The following PLAC8L1 variants were observed in gnomAD, a reference collection of about 807,000 sequenced individuals.
PLAC8L1 encodes PLAC8 like 1, also known as PLAC8-like protein 1.
Under a neutral mutation model 16.3 loss-of-function variants are expected in PLAC8L1, and 13 were observed. That is an observed-to-expected ratio of 0.80 (90% CI 0.52 to 1.27). The LOEUF is 1.27. PLAC8L1 is among the 50% of genes most tolerant of loss of function. The probability of loss-of-function intolerance (pLI) is 0.00; values close to 1 mark genes in which losing one functional copy is unlikely to be tolerated. For synonymous variants in PLAC8L1, 78 were observed against 79.3 expected, an observed-to-expected ratio of 0.98 and a Z score of 0.09; for missense variants, 184 against 220.2, an observed-to-expected ratio of 0.84 and a Z score of 1.04.
rs564065389 is a variant in PLAC8L1, at chr5:146,103,450, C to A, written c.119+743G>T. 2.6e-5 allele frequency among the ~76,000 whole-genome samples: 4 copies of A among 152,116 alleles called. No homozygotes were observed. In the East Asian group the frequency reaches 7.7e-4, roughly 29 times the overall value. ...CTAAGATTACAGGTATGAGCCACTG[C>A]GCCTGGCCTCAGACCCCATCTCTTA... On this transcript the variant is annotated intron_variant, in intron 1 of 3. Transcript: ENST00000311450.
intron 2 of PLAC8L1, among the ~76,000 whole-genome samples, chr5:146,096,613 C>A (rs1228411230): frequency 1.3e-5 from 2 of 152,148 alleles, no homozygotes; most frequent in African/African-American, 4.8e-5. Flanking sequence ...GTGATATGAA[C>A]CTGTTCTCCT....
At chr5:146,091,225 C>T (rs1266714835) in intron 2 of PLAC8L1, among the ~76,000 whole-genome samples, 1 of 152,092 alleles carries the variant, frequency 6.6e-6, no homozygotes, top group African/African-American at 2.4e-5. Flanking sequence ...CAGTGTCCAC[C>T]CTGTATCAAT....
At chr5:146,097,966 A>G (rs1209783501) in intron 2 of PLAC8L1, among the ~76,000 whole-genome samples, 190 bp downstream of exon 2, 3 of 152,238 alleles carry the variant, frequency 2.0e-5, no homozygotes, top group Admixed American at 6.5e-5. Flanking sequence ...CACTTATTCT[A>G]TAAAACATCC....
intron 2 of PLAC8L1, among the ~76,000 whole-genome samples, chr5:146,088,381 C>T (rs1224746763): frequency 3.9e-5 from 6 of 152,200 alleles, no homozygotes; most frequent in Non-Finnish European, 7.3e-5. Context: ...GACACGAAGG[C>T]TCACATACCA....
At chr5:146,101,161 C>T (rs1278093320) in intron 1 of PLAC8L1, among the ~76,000 whole-genome samples, 3 of 138,226 alleles carry the variant, frequency 2.2e-5, no homozygotes, top group African/African-American at 8.5e-5. Flanking sequence ...TGCACCACTG[C>T]ATTCCAGCCT....
chr5:146,092,685 G>A (rs1360375260), intron 2 of PLAC8L1, among the ~76,000 whole-genome samples: 7 of 151,974 alleles, frequency 4.6e-5, no homozygotes, highest in Admixed American at 3.9e-4. Flanking sequence ...GGGATTGCAG[G>A]AGCCCGCCAC....
Position 146,098,302 on chromosome 5 carries a change from C to G in PLAC8L1, c.120-10G>C, listed in dbSNP as rs1224943281. 5.0e-5 allele frequency: 80 copies of G among 1,611,168 alleles called. 1 individual carries two copies. Among genetic ancestry groups the G allele is most frequent in the Non-Finnish European group, 6.8e-5 (80 of 1,178,572 alleles). Reference sequence around the variant, plus strand: ...GGCTGGTACATGGCCTCTGGAGAGTCAAGGATGATGATTAACTTGGAAACA... The same window carrying G: ...GGCTGGTACATGGCCTCTGGAGAGTGAAGGATGATGATTAACTTGGAAACA... On this transcript the variant is annotated splice_polypyrimidine_tract_variant and intron_variant, in intron 1 of 3. Transcript: ENST00000311450.
rs747733215 is a variant in PLAC8L1 at position 146,084,504 on chromosome 5, C to T, written c.462G>A (p.Arg154=). Residue 154 remains arginine, a synonymous_variant, in exon 4 of 4, where the codon CGG becomes CGA. Transcript: ENST00000311450. ...CTTGGGAGGTCCTCATCTTGAGTTC[C>T]CGGGCCACCTGGCAGATGGAAAAAG... is the stretch of plus-strand genomic sequence containing the variant. ...CWAFSICQVA[R]ELKMRTSQVY... is the part of the protein sequence containing the mutation. 3 of 1,614,138 alleles carry T rather than the reference C, an allele frequency of 1.9e-6. No homozygotes were observed. In the Admixed American group the frequency reaches 5.0e-5, roughly 27 times the overall value.
At chr5:146,101,210 A>G (rs1249028590) in intron 1 of PLAC8L1, among the ~76,000 whole-genome samples, 1 of 151,682 alleles carries the variant, frequency 6.6e-6, no homozygotes, top group Middle Eastern at 3.4e-3. Flanking sequence ...AAAAAAAAAA[A>G]AAAAAAAAAA....
At chr5:146,098,760 CTGAG>C (rs1215723733) in intron 1 of PLAC8L1, among the ~76,000 whole-genome samples, 2 of 152,064 alleles carry the variant, frequency 1.3e-5, no homozygotes, top group African/African-American at 4.8e-5. Context: ...CAAAGTAACT[CTGAG>C]TGAGCTGCAT....
intron 3 of PLAC8L1, 124 bp downstream of exon 3, chr5:146,085,337 C>T: frequency 9.6e-7 from 1 of 1,039,756 alleles, no homozygotes; most frequent in Non-Finnish European, 1.4e-6. Flanking sequence ...TCAAAGTTTC[C>T]CACTAAGCAT....
chr5:146,103,700 G>A (rs1056033325), intron 1 of PLAC8L1: 4 of 985,082 alleles, frequency 4.1e-6, no homozygotes, highest in Non-Finnish European at 4.8e-6. Context: ...CCCTCTTTTT[G>A]ACCTCACTCC....
rs192677098 is a variant in PLAC8L1, at chr5:146,103,748, T to C, written c.119+445A>G. On this transcript the variant is annotated intron_variant, in intron 1 of 3. Transcript: ENST00000311450. ...CTTCTAGCACAAGCCCTACCATGTCTCCCACATGCCTGGTTCTTCAGCCTG... is the reference window on the plus strand; with the variant it reads ...CTTCTAGCACAAGCCCTACCATGTCCCCCACATGCCTGGTTCTTCAGCCTG... 3 of 985,402 alleles carry C rather than the reference T, an allele frequency of 3.0e-6. No homozygotes were observed. In the Admixed American group the frequency reaches 1.8e-4, roughly 60 times the overall value. The allele number at this position is 985,402 out of a possible 1,614,324, so 61.0% of individuals were successfully genotyped here.
At position 146,098,246 on chromosome 5, in the gene PLAC8L1, C is replaced by T; in HGVS notation, c.166G>A (p.Ala56Thr). 1 of 1,614,180 alleles carries T rather than the reference C, an allele frequency of 6.2e-7. No individual in the cohort carries two copies. The highest frequency in any genetic ancestry group is 8.5e-7 in the Non-Finnish European group (1 of 1,180,026). The change falls in exon 2 of 4, where the codon GCC becomes ACC. Residue 56 changes from alanine (A) to threonine (T), a missense_variant. Physicochemically the swap from Ala to Thr is moderately conservative, Grantham distance 58. Coordinates refer to ENST00000311450, the MANE Select transcript of PLAC8L1 (RefSeq NM_001029869.3). ...SAVVKQPVRG[A>T]SGRTTITAIV... Reference sequence around the variant, plus strand: ...GCTGTGATTGTCGTCCTGCCACTGGCTCCCCGAACAGGCTGCTTCACCACA... The same window carrying T: ...GCTGTGATTGTCGTCCTGCCACTGGTTCCCCGAACAGGCTGCTTCACCACA...
At chr5:146,100,860 T>C (rs1236824391) in intron 1 of PLAC8L1, among the ~76,000 whole-genome samples, 1 of 152,058 alleles carries the variant, frequency 6.6e-6, no homozygotes, top group Admixed American at 6.6e-5. Flanking sequence ...TAGGAAGTAA[T>C]GAAAGTTAAG....
At chr5:146,086,120 C>G (rs1226496990) in intron 2 of PLAC8L1, among the ~76,000 whole-genome samples, 3 of 147,204 alleles carry the variant, frequency 2.0e-5, no homozygotes, top group Non-Finnish European at 4.5e-5. Flanking sequence ...AGCTCCGCCT[C>G]CCGGGTTCAT....
At chr5:146,097,978 T>C (rs951913072) in intron 2 of PLAC8L1, among the ~76,000 whole-genome samples, 178 bp downstream of exon 2, 4 of 152,222 alleles carry the variant, frequency 2.6e-5, no homozygotes, top group African/African-American at 9.6e-5. Context: ...AAAACATCCA[T>C]ATCTCTGAAA....
intron 2 of PLAC8L1, among the ~76,000 whole-genome samples, chr5:146,086,239 C>T (rs1162961132): frequency 1.3e-5 from 2 of 151,530 alleles, no homozygotes; most frequent in Non-Finnish European, 1.5e-5. Flanking sequence ...CCGTTTTAGC[C>T]GGGATGGTCT....
chr5:146,102,345 T>C (rs1427396915), intron 1 of PLAC8L1, among the ~76,000 whole-genome samples: 1 of 152,232 alleles, frequency 6.6e-6, no homozygotes, highest in Non-Finnish European at 1.5e-5. Context: ...CAGTTATTTT[T>C]ATATTAAAAT....
Sources: gnomAD v4.1 joint callset for allele counts (sites outside exome capture counted in the v4.1 genomes callset) on GRCh38, gnomAD v4.1.1 for gene constraint, MANE v1.5 for transcripts, NCBI Gene and HGNC (gene_info 2026-07-23, HGNC 2026-07-21) for gene names.